PCDHA1: variants seen among roughly 807,000 people sequenced by gnomAD.
The protein encoded by PCDHA1 is protocadherin alpha-1.
PCDHA1 carries 42 observed loss-of-function variants against 61.3 expected under a neutral mutation model. The ratio of observed to expected loss-of-function variants is 0.69; its 90% confidence interval spans 0.54 to 0.89. The LOEUF (loss-of-function observed/expected upper bound fraction) is 0.89, where lower values mean the gene tolerates loss of function less well. PCDHA1 is among the 40% of genes least tolerant of loss of function. The pLI is 0.00. For missense variants in PCDHA1, 1,256 were observed against 1,235.3 expected (o/e 1.02, Z -0.25); for synonymous variants, 610 against 553.8 (o/e 1.10, Z -1.43).
chr5:140,966,724 C>G (rs1357964806), intron 1 of PCDHA1: 25 of 1,396,170 alleles, frequency 1.8e-5, no homozygotes, highest in Non-Finnish European at 2.3e-5. Context: ...GGGAAGCTGC[C>G]GCCTCCGGCC....
intron 1 of PCDHA1, among the ~76,000 whole-genome samples, chr5:140,798,732 T>G (rs559246584): frequency 1.3e-5 from 2 of 152,354 alleles, no homozygotes; most frequent in African/African-American, 4.8e-5. Flanking sequence ...CATTTTCACT[T>G]GAAACATTTA....
chr5:140,967,645 G>A lies in PCDHA1; in HGVS notation c.2395-11304G>A, dbSNP rs782043521. ...ATGAGGGCTCCAATGGTGAGCTCAG[G>A]TACTCCTTGAGCAGCTACACGTCGG... On this transcript the variant is annotated intron_variant, in intron 1 of 3. Transcript: ENST00000504120. 1.9e-5 allele frequency: 30 copies of A among 1,614,144 alleles called. 1 individual carries two copies. In the South Asian group the frequency reaches 3.2e-4, roughly 17 times the overall value.
chr5:140,841,812 C>T (rs1777513901), intron 1 of PCDHA1: 1 of 1,613,912 alleles, frequency 6.2e-7, no homozygotes, highest in African/African-American at 1.3e-5. Context: ...GATGTTGGAG[C>T]TAACTCCGTG....
intron 1 of PCDHA1, among the ~76,000 whole-genome samples, chr5:140,965,185 C>T (rs1348990210): frequency 6.6e-6 from 1 of 152,138 alleles, no homozygotes; most frequent in Non-Finnish European, 1.5e-5. Flanking sequence ...TTTTTTTGCA[C>T]ATGAGGCAAT....
At chr5:140,979,062 G>A in intron 2 of PCDHA1, 55 bp downstream of exon 2, 1 of 1,604,568 alleles carries the variant, frequency 6.2e-7, no homozygotes, top group Non-Finnish European at 8.5e-7. Flanking sequence ...GTATGGCTCA[G>A]ATAAACTGCA....
chr5:140,841,447 C>A, intron 1 of PCDHA1: 1 of 1,612,948 alleles, frequency 6.2e-7, no homozygotes, highest in Non-Finnish European at 8.5e-7. Context: ...CCAAACACGG[C>A]ACCTTCGTGG....
chr5:140,878,011 A>G (rs1008308579), intron 1 of PCDHA1: 1 of 843,992 alleles, frequency 1.2e-6, no homozygotes, highest in Non-Finnish European at 1.7e-6. Flanking sequence ...TCTAACATTA[A>G]TGAAGGAAAT....
chr5:140,942,540 G>C lies in PCDHA1; in HGVS notation c.2395-36409G>C, dbSNP rs1013086382. Among the ~76,000 whole-genome samples the C allele has an allele frequency of 8.5e-5, 13 of 152,164 alleles. No homozygotes were observed. In the South Asian group the frequency reaches 1.5e-3, roughly 17 times the overall value. ...GGGGAAGCAACTAACTCAGTATGGT[G>C]GGGGGTAGGGGGTTGAGGCAGAAAA... On this transcript the variant is annotated intron_variant, in intron 1 of 3. Transcript: ENST00000504120.
chr5:140,796,890 C>T, intron 1 of PCDHA1: 2 of 1,613,974 alleles, frequency 1.2e-6, no homozygotes. Context: ...AGGCTGACTC[C>T]CCTCGACACC....
intron 1 of PCDHA1, chr5:140,828,380 G>T (rs150162226): frequency 6.2e-6 from 10 of 1,603,536 alleles, no homozygotes; most frequent in African/African-American, 1.3e-5. Flanking sequence ...GGAGCTGTGC[G>T]GGCGGAGCGC....
At chr5:140,865,937 T>C (rs529378074) in intron 1 of PCDHA1, 1 of 152,212 alleles carries the variant, frequency 6.6e-6, no homozygotes, top group Admixed American at 6.5e-5. Context: ...AGAAACTTCA[T>C]GATTGTCTTC....
intron 1 of PCDHA1, among the ~76,000 whole-genome samples, chr5:140,955,950 C>G (rs2095241045): frequency 6.6e-6 from 1 of 151,920 alleles, no homozygotes; most frequent in African/African-American, 2.4e-5. Flanking sequence ...TGTCTACTTG[C>G]TTGTTGTTTG....
Position 140,898,031 on chromosome 5 carries a change from G to C in PCDHA1, c.2395-80918G>C, listed in dbSNP as rs550093815. Among the ~76,000 whole-genome samples, 156 of 152,112 alleles carry C rather than the reference G, an allele frequency of 1.0e-3. No individual in the cohort carries two copies. The South Asian group carries it at 0.016, about 16-fold the overall frequency. ...CATATCCTTTGCCCACTTTTTGATG[G>C]GGTTGTTTGTTTTTTTCTTGTAAAT... On this transcript the variant is annotated intron_variant, in intron 1 of 3. Coordinates refer to ENST00000504120, the MANE Select transcript of PCDHA1 (RefSeq NM_018900.4).
rs781866730 is a variant in PCDHA1 at position 141,009,887 on chromosome 5, CAG to C, written c.2804_2805del (p.Gln935ArgfsTer11). ...GAAAAAGAAGAAGGGTAACAAGACCCAGGAGAAAAAAGAGAAAGGGAACAGCA... is the reference window on the plus strand; with the variant it reads ...GAAAAAGAAGAAGGGTAACAAGACCCGAGAAAAAAGAGAAAGGGAACAGCA... ...KKKKKKGNKTQEKKEKGNSTT... is the reference protein window; with the variant it reads ...KKKKKKGNKTXEKKEKGNSTT... On this transcript the variant is annotated frameshift_variant, in exon 4 of 4. Transcript: ENST00000504120. LOFTEE classifies it high-confidence loss of function. 1.9e-6 allele frequency: 3 copies of C among 1,612,850 alleles called. No homozygotes were observed. In the South Asian group the frequency reaches 3.3e-5, roughly 18 times the overall value.
At chr5:140,982,795 AT>A (rs2097005249) in intron 3 of PCDHA1, among the ~76,000 whole-genome samples, 1 of 151,516 alleles carries the variant, frequency 6.6e-6, no homozygotes, top group African/African-American at 2.4e-5. Flanking sequence ...GCATGTGTGC[AT>A]GTGTGTGTGT....
chr5:140,797,000 C>A (rs868983701), intron 1 of PCDHA1: 5 of 1,613,638 alleles, frequency 3.1e-6, no homozygotes, highest in Non-Finnish European at 4.2e-6. Flanking sequence ...CCCAAGGCCT[C>A]GTCGCGGGCG....
intron 1 of PCDHA1, among the ~76,000 whole-genome samples, chr5:140,892,939 C>G (rs1583111138): frequency 6.6e-6 from 1 of 152,188 alleles, no homozygotes; most frequent in Non-Finnish European, 1.5e-5. Context: ...CTGATAAGCA[C>G]AATACTACTT....
intron 1 of PCDHA1, chr5:140,843,794 T>G: frequency 7.3e-7 from 1 of 1,365,430 alleles, no homozygotes; most frequent in East Asian, 2.3e-5. Flanking sequence ...CAGATTTAGT[T>G]TTTCACCGTA....
At chr5:140,979,179 G>T in intron 2 of PCDHA1, 172 bp downstream of exon 2, 1 of 936,772 alleles carries the variant, frequency 1.1e-6, no homozygotes, top group Middle Eastern at 5.5e-4. Flanking sequence ...ATCGCAAATG[G>T]TCAGTGCCAG....
Sources: gnomAD v4.1 joint callset for allele counts (sites outside exome capture counted in the v4.1 genomes callset) on GRCh38, gnomAD v4.1.1 for gene constraint, MANE v1.5 for transcripts, NCBI Gene and HGNC (gene_info 2026-07-23, HGNC 2026-07-21) for gene names.